Variants in NLGN1 observed in about 807,000 individuals in gnomAD.
The protein encoded by NLGN1 is neuroligin 1, also known as neuroligin-1.
Under a neutral mutation model 65.5 loss-of-function variants are expected in NLGN1, and 12 were observed. The observed-to-expected ratio is 0.18, with a 90% confidence interval of 0.12 to 0.30. The LOEUF is 0.30. Among genes scored for constraint, NLGN1 ranks in the 10% least tolerant of loss-of-function variants. The probability of loss-of-function intolerance (pLI) is 1.00; values close to 1 mark genes in which losing one functional copy is unlikely to be tolerated. For missense variants in NLGN1, 750 were observed against 1,007.1 expected, an observed-to-expected ratio of 0.74 and a Z score of 3.46; for synonymous variants, 350 against 359.5, an observed-to-expected ratio of 0.97 and a Z score of 0.30.
chr3:174,030,365 C>T (rs1729745364), intron 4 of NLGN1, among the ~76,000 whole-genome samples: 1 of 152,040 alleles, frequency 6.6e-6, no homozygotes, highest in Non-Finnish European at 1.5e-5. Context: ...ACCTCGTGAT[C>T]CTCCCGCCTC....
the NLGN1 span, among the ~76,000 whole-genome samples, chr3:174,292,660 A>G: frequency 6.6e-6 from 1 of 151,486 alleles, no homozygotes; most frequent in Non-Finnish European, 1.5e-5. Context: ...GGTAGATGAG[A>G]ATTTACTCTT....
At chr3:173,446,816 G>A (rs1477407168) in intron 2 of NLGN1, among the ~76,000 whole-genome samples, 2 of 152,212 alleles carry the variant, frequency 1.3e-5, no homozygotes, top group Non-Finnish European at 2.9e-5. Context: ...GATGGCCAGC[G>A]AGGATGAACA....
rs1382125345 is a variant in NLGN1, at chr3:173,497,392, AT to A, written c.-321+62315del. ...GACAAGTGTGAAACTCCATCTCAAA[AT>A]AAATAAATAAATAAATAAATAAATA... On this transcript the variant is annotated intron_variant, in intron 2 of 6. Transcript: ENST00000457714. 5.8e-4 allele frequency among the ~76,000 whole-genome samples: 84 copies of A among 145,876 alleles called. 1 individual carries two copies. The highest frequency in any genetic ancestry group is 1.6e-3 in the East Asian group (8 of 4,984).
chr3:173,650,516 T>A (rs1199411107), intron 3 of NLGN1, among the ~76,000 whole-genome samples: 1 of 152,206 alleles, frequency 6.6e-6, no homozygotes, highest in Non-Finnish European at 1.5e-5. Context: ...TGTCAAACTT[T>A]AAAGTTTGCA....
chr3:173,489,762 T>G (rs1175657566), intron 2 of NLGN1, among the ~76,000 whole-genome samples: 1 of 151,804 alleles, frequency 6.6e-6, no homozygotes, highest in Non-Finnish European at 1.5e-5. Context: ...TCCTGACTTT[T>G]TAATGATTGC....
intron 3 of NLGN1, among the ~76,000 whole-genome samples, chr3:173,652,873 A>T (rs3887364): frequency 6.6e-6 from 1 of 152,006 alleles, no homozygotes; most frequent in Non-Finnish European, 1.5e-5. Flanking sequence ...CTTCCAATTC[A>T]TGAATGTGGG....
chr3:173,582,591 A>T (rs996292944), intron 2 of NLGN1, among the ~76,000 whole-genome samples: 1 of 152,038 alleles, frequency 6.6e-6, no homozygotes, highest in Non-Finnish European at 1.5e-5. Context: ...GACATTGAGA[A>T]TCTTTTTCTG....
intron 4 of NLGN1, among the ~76,000 whole-genome samples, chr3:173,945,875 G>C (rs1046362815): frequency 2.0e-5 from 3 of 152,208 alleles, no homozygotes; most frequent in African/African-American, 7.2e-5. Context: ...ACAAGGATGA[G>C]TTGCAATCTC....
chr3:173,566,096 G>A (rs188067032), intron 2 of NLGN1, among the ~76,000 whole-genome samples: 1 of 152,316 alleles, frequency 6.6e-6, no homozygotes, highest in East Asian at 1.9e-4. Context: ...ATTGTGAGGA[G>A]ACGTAAGCCT....
intron 4 of NLGN1, among the ~76,000 whole-genome samples, chr3:174,112,504 T>C (rs1715457628): frequency 1.3e-5 from 2 of 151,948 alleles, no homozygotes; most frequent in African/African-American, 4.8e-5. Context: ...TTCTCCTTTT[T>C]AGACTCAGTG....
chr3:173,907,832 G>A (rs1313170940), intron 4 of NLGN1, among the ~76,000 whole-genome samples: 4 of 151,812 alleles, frequency 2.6e-5, no homozygotes, highest in Non-Finnish European at 4.4e-5. Context: ...TGATCCACCC[G>A]CCTCAGACTC....
chr3:173,735,161 T>G (rs542334236), intron 3 of NLGN1, among the ~76,000 whole-genome samples: 1 of 152,220 alleles, frequency 6.6e-6, no homozygotes, highest in Admixed American at 6.5e-5. Context: ...CCTGTAACTA[T>G]GTATGGGCAT....
chr3:173,580,457 C>T (rs1477011675), intron 2 of NLGN1, among the ~76,000 whole-genome samples: 2 of 151,870 alleles, frequency 1.3e-5, no homozygotes, highest in Non-Finnish European at 2.9e-5. Context: ...AAGAAATTAG[C>T]AAGCCCATCT....
chr3:174,107,007 CACACACACACAGAGAG>C (rs1313517499), intron 4 of NLGN1, among the ~76,000 whole-genome samples: 9 of 120,496 alleles, frequency 7.5e-5, no homozygotes, highest in African/African-American at 2.7e-4. Flanking sequence ...CACACACACA[CACACACACACAGAGAG>C]AGAGAGAGAG....
chr3:174,022,365 G>A (rs1727915783), intron 4 of NLGN1, among the ~76,000 whole-genome samples: 1 of 152,064 alleles, frequency 6.6e-6, no homozygotes. Flanking sequence ...TGGTAATGAA[G>A]TTCCCTATCT....
At chr3:174,201,295 GGGGA>G (rs1734409976) in intron 4 of NLGN1, among the ~76,000 whole-genome samples, 2 of 140,204 alleles carry the variant, frequency 1.4e-5, no homozygotes, top group African/African-American at 5.2e-5. Context: ...GAACGGAAAG[GGGGA>G]GGGAGGGAGG....
At chr3:173,852,192 T>A (rs1727072812) in intron 4 of NLGN1, among the ~76,000 whole-genome samples, 1 of 150,312 alleles carries the variant, frequency 6.7e-6, no homozygotes. Context: ...CTGTCTCTAC[T>A]AAAAATACAA....
At chr3:174,166,923 T>C (rs2152727692) in intron 4 of NLGN1, among the ~76,000 whole-genome samples, 1 of 152,190 alleles carries the variant, frequency 6.6e-6, no homozygotes, top group African/African-American at 2.4e-5. Context: ...TAACCTTTTG[T>C]TAATATGTAA....
chr3:173,716,557 G>T (rs964286650), intron 3 of NLGN1, among the ~76,000 whole-genome samples: 1 of 152,084 alleles, frequency 6.6e-6, no homozygotes, highest in African/African-American at 2.4e-5. Flanking sequence ...AGCCCATTCA[G>T]GTTTATCCTG....
Sources: allele counts gnomAD v4.1 joint callset (sites outside exome capture counted in the v4.1 genomes callset), GRCh38; gene constraint gnomAD v4.1.1; transcripts MANE v1.5; gene names NCBI Gene and HGNC (gene_info 2026-07-23, HGNC 2026-07-21).